Variants in ATP1B1 observed in about 807,000 individuals in gnomAD.
The protein encoded by ATP1B1 is sodium/potassium-transporting ATPase subunit beta-1.
Under a neutral mutation model 39.6 loss-of-function variants are expected in ATP1B1, and 3 were observed. The ratio of observed to expected loss-of-function variants is 0.08; its 90% CI spans 0.03 to 0.20. The LOEUF is 0.20. Ranked by LOEUF, ATP1B1 falls within the 10% of genes least tolerant of loss-of-function variation. The pLI is 1.00. For missense variants in ATP1B1, 216 were observed against 371.1 expected (o/e 0.58, Z 3.43); for synonymous variants, 139 against 135.0 (o/e 1.03, Z -0.20).
At chr1:169,109,532 C>T (rs1339003213) in intron 1 of ATP1B1, among the ~76,000 whole-genome samples, 1 of 152,192 alleles carries the variant, frequency 6.6e-6, no homozygotes, top group Non-Finnish European at 1.5e-5. Context: ...GAAAATTCCT[C>T]ACTTTTCTTA....
chr1:169,131,739 ATATT>A lies in ATP1B1; in HGVS notation c.*189_*192del, dbSNP rs374342138. On this transcript the variant is annotated 3_prime_UTR_variant, in exon 6 of 6. Coordinates refer to ENST00000367815, the MANE Select transcript of ATP1B1 (RefSeq NM_001677.4). This position sits in a 1 kb window ranked among gnomAD's most constrained non-coding sequence, Gnocchi z 4.4. ...ATTAAAGTGTAGCAATAGCAACAAA[ATATT>A]TATTCTACTGTAAATGACAAAAGAA... 503 of 711,620 alleles carry A rather than the reference ATATT, an allele frequency of 7.1e-4. 1 individual carries two copies. The African/African-American group carries it at 7.8e-3, about 11-fold the overall frequency. The allele number at this position is 711,620 out of a possible 1,614,324, so 44.1% of individuals were successfully genotyped here. A position where few individuals can be genotyped will look rare whatever the true frequency, so the allele number is the denominator to read the frequency against.
rs377019756 is a variant in ATP1B1, at chr1:169,127,357, C to A, written c.516C>A (p.Gly172=). The A allele has an allele frequency of 6.2e-7, 1 of 1,611,904 alleles. No individual in the cohort carries two copies. Among genetic ancestry groups the A allele is most frequent in the African/African-American group, 1.3e-5 (1 of 74,754 alleles). ...LNDETYGYKE[G]KPCIIIKLNR... is the part of the protein sequence containing the mutation. ...ATGAAACTTATGGCTACAAAGAGGG[C>A]AAACCGTGCATTATTATAAAGCTCA... The change falls in exon 4 of 6, where the codon GGC becomes GGA. Residue 172 remains glycine (G), a synonymous_variant. Transcript: ENST00000367815.
intron 2 of ATP1B1, among the ~76,000 whole-genome samples, chr1:169,120,182 AAG>A (rs1357080995): frequency 1.3e-5 from 2 of 152,138 alleles, no homozygotes; most frequent in Admixed American, 6.5e-5. Context: ...AATGTGAGGA[AAG>A]AGAGCAGAAG....
chr1:169,117,114 T>G (rs1269605262), intron 2 of ATP1B1, among the ~76,000 whole-genome samples: 1 of 152,142 alleles, frequency 6.6e-6, no homozygotes. Context: ...GCCAGTAAGG[T>G]GTTTCCAGTT....
At chr1:169,111,586 T>C (rs1571219513) in intron 2 of ATP1B1, 88 bp downstream of exon 2, 1 of 1,528,452 alleles carries the variant, frequency 6.5e-7, no homozygotes, top group Non-Finnish European at 8.9e-7. Context: ...GGAAAATTAC[T>C]CTATAATGTA....
At chr1:169,113,932 G>A (rs561272942) in intron 2 of ATP1B1, among the ~76,000 whole-genome samples, 9 of 152,222 alleles carry the variant, frequency 5.9e-5, no homozygotes, top group African/African-American at 2.2e-4. Context: ...TCTAGGCCAG[G>A]CCCCTCCTCT....
chr1:169,116,477 G>A (rs1448335801), intron 2 of ATP1B1, among the ~76,000 whole-genome samples: 1 of 152,154 alleles, frequency 6.6e-6, no homozygotes, highest in Non-Finnish European at 1.5e-5. Context: ...AAGTGGGGTG[G>A]ATGCAGACCA....
At chr1:169,125,700 G>A (rs1283826400) in intron 3 of ATP1B1, among the ~76,000 whole-genome samples, 3 of 152,248 alleles carry the variant, frequency 2.0e-5, no homozygotes, top group East Asian at 1.9e-4. Context: ...CTCGCTGGGT[G>A]CAGTGGCTCA....
At chr1:169,111,974 TAAG>T (rs1401425653) in intron 2 of ATP1B1, among the ~76,000 whole-genome samples, 3 of 152,184 alleles carry the variant, frequency 2.0e-5, no homozygotes, top group Admixed American at 6.5e-5. Flanking sequence ...TTAGAGATGA[TAAG>T]AAGCTGTGGA....
At chr1:169,109,889 C>T (rs1007856810) in intron 1 of ATP1B1, among the ~76,000 whole-genome samples, 3 of 152,030 alleles carry the variant, frequency 2.0e-5, no homozygotes, top group Admixed American at 6.6e-5. Context: ...TTCCAGATCT[C>T]TTGACGTCAC....
intron 2 of ATP1B1, among the ~76,000 whole-genome samples, chr1:169,115,596 G>A (rs1054183968): frequency 3.3e-5 from 5 of 152,022 alleles, no homozygotes; most frequent in Non-Finnish European, 7.4e-5. Context: ...TGATCCACCC[G>A]CCTCAGCCTC....
At chr1:169,116,394 C>T (rs777492362) in intron 2 of ATP1B1, among the ~76,000 whole-genome samples, 18 of 152,094 alleles carry the variant, frequency 1.2e-4, no homozygotes, top group Admixed American at 2.0e-4. Flanking sequence ...GAAGTATAGA[C>T]GGCTCAGTGC....
rs11423213 is a variant in ATP1B1 at position 169,110,567 on chromosome 1, C to CTTTTTTTT, written c.98-791_98-784dup. 2.3e-4 allele frequency: 100 copies of CTTTTTTTT among 434,674 alleles called. 1 individual carries two copies. The highest frequency in any genetic ancestry group is 7.2e-4 in the East Asian group (6 of 8,324). The allele number at this position is 434,674 out of a possible 1,614,324, so 26.9% of individuals were successfully genotyped here. On this transcript the variant is annotated intron_variant, in intron 1 of 5. Coordinates refer to ENST00000367815, the MANE Select transcript of ATP1B1 (RefSeq NM_001677.4). ...CCTCATTCCCATCTATGTGTTGAGT[C>CTTTTTTTT]TTTTTTTTTTTTTTTTTTTGCTTTT...
At chr1:169,110,676 T>A in intron 1 of ATP1B1, 1 of 1,287,550 alleles carries the variant, frequency 7.8e-7, no homozygotes, top group South Asian at 1.2e-5. Context: ...ATTATTCTTG[T>A]TCCAGTTCCA....
At chr1:169,126,436 T>C (rs943918463) in intron 3 of ATP1B1, among the ~76,000 whole-genome samples, 1 of 152,214 alleles carries the variant, frequency 6.6e-6, no homozygotes, top group African/African-American at 2.4e-5. Flanking sequence ...GAGGATTGAA[T>C]TAAAAATGCC....
chr1:169,130,030 G>A lies in ATP1B1; in HGVS notation c.588G>A (p.Leu196=). The change falls in exon 5 of 6, where the codon TTG becomes TTA. Residue 196 remains leucine (L), a synonymous_variant. Transcript: ENST00000367815. ...TTTAGCCTCCCAAGAATGAGTCCTT[G>A]GAGACTTACCCAGTGATGAAGTATA... ...FKPKPPKNES[L]ETYPVMKYNP... The A allele has an allele frequency of 6.2e-7, 1 of 1,613,928 alleles. No individual in the cohort carries two copies. The highest frequency in any genetic ancestry group is 8.5e-7 in the Non-Finnish European group (1 of 1,179,930).
intron 2 of ATP1B1, among the ~76,000 whole-genome samples, chr1:169,123,780 C>A (rs1030781910): frequency 7.9e-5 from 12 of 151,920 alleles, no homozygotes; most frequent in African/African-American, 2.9e-4. Flanking sequence ...GTGTGTGTCA[C>A]CATGCCTGGC....
intron 1 of ATP1B1, among the ~76,000 whole-genome samples, chr1:169,109,582 G>A (rs1421237022): frequency 6.6e-6 from 1 of 152,198 alleles, no homozygotes; most frequent in Non-Finnish European, 1.5e-5. Flanking sequence ...GTCTGTTTCT[G>A]AGCTTAATCG....
intron 1 of ATP1B1, among the ~76,000 whole-genome samples, chr1:169,110,052 T>C (rs1287126106): frequency 6.6e-6 from 1 of 152,114 alleles, no homozygotes; most frequent in Non-Finnish European, 1.5e-5. Flanking sequence ...GCTTTTTTCC[T>C]TGTTATTTGC....
Sources: gnomAD v4.1 joint callset for allele counts (sites outside exome capture counted in the v4.1 genomes callset) on GRCh38, gnomAD v4.1.1 for gene constraint, Gnocchi (gnomAD v3.1) non-coding constraint, MANE v1.5 for transcripts, NCBI Gene and HGNC (gene_info 2026-07-23, HGNC 2026-07-21) for gene names.